Variants in RNF11 observed in about 807,000 individuals in gnomAD.
RNF11 encodes the protein ring finger protein 11.
RNF11 carries 4 observed loss-of-function variants against 15.8 expected under a neutral mutation model. The ratio of observed to expected loss-of-function variants is 0.25; its 90% CI spans 0.12 to 0.58. The LOEUF is 0.58. Ranked by LOEUF, RNF11 falls within the 20% of genes least tolerant of loss-of-function variation. The pLI is 0.91. For synonymous variants in RNF11, 68 were observed against 72.3 expected, an observed-to-expected ratio of 0.94 and a Z score of 0.30; for missense variants, 139 against 194.4, an observed-to-expected ratio of 0.71 and a Z score of 1.70.
At chr1:51,266,441 CTTA>C (rs1646955069) in intron 1 of RNF11, among the ~76,000 whole-genome samples, 1 of 147,548 alleles carries the variant, frequency 6.8e-6, no homozygotes, top group Non-Finnish European at 1.5e-5. Flanking sequence ...TTTTCTTTTT[CTTA>C]TTGTTATTTA....
intron 2 of RNF11, among the ~76,000 whole-genome samples, 165 bp from the exon 3 acceptor site, chr1:51,270,986 C>T (rs1308822916): frequency 6.6e-6 from 1 of 152,126 alleles, no homozygotes; most frequent in African/African-American, 2.4e-5. Context: ...GTGGACAGAT[C>T]AACATTAGGA....
chr1:51,261,541 T>C (rs2183423), intron 1 of RNF11, among the ~76,000 whole-genome samples: 3,204 of 152,294 alleles, frequency 0.021, 94 homozygotes, highest in African/African-American at 0.065. Flanking sequence ...ATTTGCAGCA[T>C]GAAATGGGCC....
chr1:51,247,475 A>T (rs1210611386), intron 1 of RNF11, among the ~76,000 whole-genome samples: 1 of 150,476 alleles, frequency 6.6e-6, no homozygotes, highest in African/African-American at 2.4e-5. Flanking sequence ...TTGTAAAGAC[A>T]GTGTCTCATT....
intron 1 of RNF11, among the ~76,000 whole-genome samples, chr1:51,247,067 A>T (rs1646855585): frequency 6.6e-6 from 1 of 151,964 alleles, no homozygotes; most frequent in Non-Finnish European, 1.5e-5. Context: ...ACAAATATTT[A>T]TGGTATTTTT....
chr1:51,251,596 G>A (rs114292427), intron 1 of RNF11: 2 of 522,656 alleles, frequency 3.8e-6, no homozygotes, highest in African/African-American at 3.9e-5. Flanking sequence ...GTAAATACTA[G>A]TCCATTTTAT....
At chr1:51,268,136 A>T (rs1339613154) in intron 1 of RNF11, among the ~76,000 whole-genome samples, 1 of 152,248 alleles carries the variant, frequency 6.6e-6, no homozygotes, top group East Asian at 1.9e-4. Context: ...CTGCCTAGAA[A>T]ATCAGTGGCT....
chr1:51,239,342 A>C (rs148142642), intron 1 of RNF11, among the ~76,000 whole-genome samples: 1 of 152,324 alleles, frequency 6.6e-6, no homozygotes, highest in East Asian at 1.9e-4. Context: ...TGGAAATGTT[A>C]TATTTTTGAC....
intron 1 of RNF11, among the ~76,000 whole-genome samples, chr1:51,241,659 T>G (rs988535798): frequency 6.6e-6 from 1 of 152,210 alleles, no homozygotes; most frequent in African/African-American, 2.4e-5. Context: ...AGGGTGTTTG[T>G]CAAATTAGAA....
chr1:51,241,170 C>G (rs1646827504), intron 1 of RNF11, among the ~76,000 whole-genome samples: 1 of 151,800 alleles, frequency 6.6e-6, no homozygotes, highest in Admixed American at 6.5e-5. Flanking sequence ...TGTTGCTAGT[C>G]TCAAACTCCT....
At chr1:51,237,662 A>T (rs1259388411) in intron 1 of RNF11, among the ~76,000 whole-genome samples, 2 of 152,032 alleles carry the variant, frequency 1.3e-5, no homozygotes, top group East Asian at 3.9e-4. Context: ...TACAATAATC[A>T]GTAGTCCCAG....
At chr1:51,270,655 T>C (rs1646974549) in intron 2 of RNF11, among the ~76,000 whole-genome samples, 1 of 152,226 alleles carries the variant, frequency 6.6e-6, no homozygotes, top group Non-Finnish European at 1.5e-5. Flanking sequence ...TTACAGTTAT[T>C]AAAATGAAAA....
rs961976346 is a variant in RNF11 at position 51,272,931 on chromosome 1, A to G, written c.*1609A>G. ...GATTTGACATTCAACTGTAGTATCC[A>G]TATGTTGCTTAAATTTCCTTATGAG... On this transcript the variant is annotated 3_prime_UTR_variant, in exon 3 of 3. Coordinates refer to ENST00000242719, the MANE Select transcript of RNF11 (RefSeq NM_014372.5). The G allele has an allele frequency of 1.3e-5, 2 of 152,170 alleles. No homozygotes were observed. Among genetic ancestry groups the G allele is most frequent in the African/African-American group, 4.8e-5 (2 of 41,460 alleles). 9.4% of individuals were successfully genotyped at this position (152,170 alleles called of 1,614,324 possible). A position where few individuals can be genotyped will look rare whatever the true frequency, so the allele number is the denominator to read the frequency against.
Position 51,252,940 on chromosome 1 carries a change from C to T in RNF11, c.123+16061C>T, listed in dbSNP as rs559666423. On this transcript the variant is annotated intron_variant, in intron 1 of 2. Transcript: ENST00000242719. ...CTCCCAGGTTCAAGCGATTCTCCTG[C>T]CTCAGCCTCCCAAGTAGCTGGGATT... Among the ~76,000 whole-genome samples the T allele has an allele frequency of 2.6e-5, 4 of 151,894 alleles. No homozygotes were observed. The South Asian group carries it at 8.3e-4, about 32-fold the overall frequency.
chr1:51,249,964 G>T (rs1388237664), intron 1 of RNF11, among the ~76,000 whole-genome samples: 1 of 152,096 alleles, frequency 6.6e-6, no homozygotes, highest in African/African-American at 2.4e-5. Context: ...TGCTGTATTT[G>T]CTTTCACACA....
intron 1 of RNF11, chr1:51,251,090 G>C (rs1049765350): frequency 3.9e-6 from 6 of 1,550,942 alleles, no homozygotes; most frequent in Non-Finnish European, 4.4e-6. Flanking sequence ...TGTAGTCCCC[G>C]ATAGCAACAA....
Position 51,271,315 on chromosome 1 carries a change from CTAAT to C in RNF11, c.460_463del (p.Asn154GlufsTer7), listed in dbSNP as rs1228592458. 1 of 1,611,186 alleles carries C rather than the reference CTAAT, an allele frequency of 6.2e-7. No individual in the cohort carries two copies. The highest frequency in any genetic ancestry group is 8.5e-7 in the Non-Finnish European group (1 of 1,178,046). Reference sequence around the variant, plus strand: ...GCAGCACTGCTTTCATCCTATGAGACTAATTGAGCCAGGGTCTCTTATCTGACTT... The same window carrying C: ...GCAGCACTGCTTTCATCCTATGAGACTGAGCCAGGGTCTCTTATCTGACTT... On this transcript the variant is annotated frameshift_variant, in exon 3 of 3. Coordinates refer to ENST00000242719, the MANE Select transcript of RNF11 (RefSeq NM_014372.5). LOFTEE classifies it high-confidence loss of function.
intron 1 of RNF11, among the ~76,000 whole-genome samples, chr1:51,242,164 C>T (rs1569652268): frequency 6.6e-6 from 1 of 152,238 alleles, no homozygotes; most frequent in East Asian, 1.9e-4. Context: ...CTTTTAGAGT[C>T]AGATTGTCCT....
chr1:51,248,709 C>T (rs907888211), intron 1 of RNF11, among the ~76,000 whole-genome samples: 1 of 152,102 alleles, frequency 6.6e-6, no homozygotes, highest in African/African-American at 2.4e-5. Context: ...GGCAGTGAAT[C>T]ACAAATGTAC....
At chr1:51,257,292 T>C (rs1037217040) in intron 1 of RNF11, among the ~76,000 whole-genome samples, 7 of 152,204 alleles carry the variant, frequency 4.6e-5, no homozygotes, top group Admixed American at 3.3e-4. Flanking sequence ...AGCAGAATGC[T>C]CTGGCATATT....
Sources: gnomAD v4.1 joint callset for allele counts (sites outside exome capture counted in the v4.1 genomes callset) on GRCh38, gnomAD v4.1.1 for gene constraint, MANE v1.5 for transcripts, NCBI Gene and HGNC (gene_info 2026-07-23, HGNC 2026-07-21) for gene names.